The following NRXN3 variants were observed in gnomAD, a reference collection of about 807,000 sequenced individuals.
The protein encoded by NRXN3 is neurexin 3, also known as neurexin III.
Under a neutral mutation model 137.6 loss-of-function variants are expected in NRXN3, and 32 were observed. That is an observed-to-expected ratio of 0.23 (90% CI 0.18 to 0.31). The LOEUF (loss-of-function observed/expected upper bound fraction) is 0.31. Ranked by LOEUF, NRXN3 falls within the 10% of genes least tolerant of loss-of-function variation. NRXN3 has a pLI of 1.00. For missense variants in NRXN3, 1,574 were observed against 2,062.5 expected (o/e 0.76, Z 4.59); for synonymous variants, 798 against 784.5 (o/e 1.02, Z -0.29).
intron 16 of NRXN3, among the ~76,000 whole-genome samples, chr14:79,629,774 C>A (rs938469689): frequency 6.6e-6 from 1 of 151,522 alleles, no homozygotes; most frequent in Non-Finnish European, 1.5e-5. Context: ...TTCAAATGCA[C>A]GGTGATAAAG....
chr14:79,164,325 C>A (rs536068036), intron 15 of NRXN3, among the ~76,000 whole-genome samples: 14 of 152,008 alleles, frequency 9.2e-5, no homozygotes, highest in South Asian at 2.1e-4. Context: ...AGCTCTCAAG[C>A]AAAACATGGT....
chr14:79,517,098 C>CA (rs1555499634), intron 16 of NRXN3, among the ~76,000 whole-genome samples: 30 of 148,944 alleles, frequency 2.0e-4, no homozygotes, highest in South Asian at 1.7e-3. Flanking sequence ...TACAGCCCCC[C>CA]CCCCCTCAAC....
Position 79,808,458 on chromosome 14 carries a change from A to G in NRXN3, c.4093+3268A>G, listed in dbSNP as rs2099218922. Among the ~76,000 whole-genome samples, 3 of 151,988 alleles carry G rather than the reference A, an allele frequency of 2.0e-5. 1 individual carries two copies. In the South Asian group the frequency reaches 6.2e-4, roughly 31 times the overall value. On this transcript the variant is annotated intron_variant, in intron 20 of 20. Transcript: ENST00000335750. The stretch of plus-strand genomic sequence containing the variant: ...CATAAATTGCCAATCTTGCAATTCT[A>G]CATTACCACTAAGATTAAAATTCTG...
chr14:79,103,492 G>T (rs2051750662), intron 15 of NRXN3, among the ~76,000 whole-genome samples: 1 of 152,090 alleles, frequency 6.6e-6, no homozygotes, highest in Admixed American at 6.6e-5. Context: ...TAAGTTTTAA[G>T]CGCCTGGTAG....
At position 79,747,065 on chromosome 14, in the gene NRXN3, T is replaced by C. The variant is rs150958885; in HGVS notation, c.4014+49128T>C. Among the ~76,000 whole-genome samples the C allele has an allele frequency of 6.3e-4, 96 of 152,250 alleles. 1 individual carries two copies. The highest frequency in any genetic ancestry group is 1.7e-3 in the African/African-American group (70 of 41,566). ...TTGGCTCTCAGCAGTTGATGCCAAG[T>C]TCTGCTAGGGAAGAAATGAGACTTC... On this transcript the variant is annotated intron_variant, in intron 19 of 20. Transcript: ENST00000335750.
intron 20 of NRXN3, among the ~76,000 whole-genome samples, chr14:79,844,130 A>C (rs1392737369): frequency 6.6e-6 from 1 of 151,978 alleles, no homozygotes; most frequent in African/African-American, 2.4e-5. Flanking sequence ...ATATACCACT[A>C]TTAAAGTTTT....
intron 20 of NRXN3, among the ~76,000 whole-genome samples, chr14:79,852,277 ACAC>A (rs1568455935): frequency 2.8e-5 from 4 of 145,114 alleles, no homozygotes; most frequent in Non-Finnish European, 6.1e-5. Flanking sequence ...ACACACACAC[ACAC>A]CTCTCACATG....
chr14:79,003,740 T>C (rs1457258733), intron 15 of NRXN3, among the ~76,000 whole-genome samples: 3 of 152,142 alleles, frequency 2.0e-5, no homozygotes, highest in African/African-American at 7.2e-5. Flanking sequence ...AGAAGCCACA[T>C]CCCAGGTCTC....
intron 10 of NRXN3, among the ~76,000 whole-genome samples, chr14:78,898,918 A>G (rs1039538658): frequency 3.9e-5 from 6 of 151,978 alleles, no homozygotes. Context: ...TAAAAATTAG[A>G]ATAGGTTCAT....
At chr14:79,543,183 A>C (rs1231889969) in intron 16 of NRXN3, among the ~76,000 whole-genome samples, 1 of 152,204 alleles carries the variant, frequency 6.6e-6, no homozygotes, top group Non-Finnish European at 1.5e-5. Flanking sequence ...GTCATCTTCC[A>C]AGGCATCACC....
chr14:78,585,183 C>T (rs778418189), intron 4 of NRXN3, among the ~76,000 whole-genome samples: 20 of 151,544 alleles, frequency 1.3e-4, no homozygotes, highest in Non-Finnish European at 2.2e-4. Context: ...GGAAAGGCCT[C>T]AATGTTGAAG....
intron 2 of NRXN3, among the ~76,000 whole-genome samples, chr14:78,266,622 A>G (rs2071777210): frequency 1.3e-5 from 2 of 152,202 alleles, no homozygotes; most frequent in South Asian, 4.1e-4. Context: ...TTGGAAGCAG[A>G]ACGTCTCCTT....
intron 20 of NRXN3, among the ~76,000 whole-genome samples, chr14:79,851,719 A>G (rs1237789476): frequency 6.6e-6 from 1 of 152,138 alleles, no homozygotes; most frequent in Non-Finnish European, 1.5e-5. Context: ...AATACTGAAT[A>G]TAACTCTTGT....
At chr14:79,018,021 A>G (rs965471128) in intron 15 of NRXN3, among the ~76,000 whole-genome samples, 2 of 151,968 alleles carry the variant, frequency 1.3e-5, no homozygotes, top group Non-Finnish European at 2.9e-5. Context: ...GCACTTTGGG[A>G]GGCTGAGGCG....
chr14:78,538,029 G>A (rs956339540), intron 4 of NRXN3, among the ~76,000 whole-genome samples: 13 of 152,192 alleles, frequency 8.5e-5, no homozygotes, highest in Non-Finnish European at 1.5e-4. Flanking sequence ...ACTATAGTTT[G>A]AAGTCAGGTA....
intron 15 of NRXN3, among the ~76,000 whole-genome samples, chr14:79,208,704 C>T (rs1447378349): frequency 2.0e-5 from 3 of 152,038 alleles, no homozygotes; most frequent in African/African-American, 7.2e-5. Flanking sequence ...TTGGATATAA[C>T]AGTTATTTTT....
chr14:79,737,879 A>G lies in NRXN3; in HGVS notation c.4014+39942A>G, dbSNP rs187961638. Among the ~76,000 whole-genome samples the G allele has an allele frequency of 8.5e-5, 13 of 152,220 alleles. No homozygotes were observed. The East Asian group carries it at 1.9e-3, about 23-fold the overall frequency. ...AGCCCATTGTGCAGTGTTCTTACAA[A>G]AGTATTCTAACAATCCAAAATCAAG... On this transcript the variant is annotated intron_variant, in intron 19 of 20. Coordinates refer to ENST00000335750, the MANE Select transcript of NRXN3 (RefSeq NM_001330195.2).
chr14:78,541,680 TGGA>T (rs1012661563), intron 4 of NRXN3, among the ~76,000 whole-genome samples: 1 of 152,214 alleles, frequency 6.6e-6, no homozygotes, highest in African/African-American at 2.4e-5. Flanking sequence ...TGTGATCCTT[TGGA>T]GGAGAAGAGG....
At chr14:79,742,022 A>G (rs1438891263) in intron 19 of NRXN3, among the ~76,000 whole-genome samples, 1 of 152,200 alleles carries the variant, frequency 6.6e-6, no homozygotes, top group African/African-American at 2.4e-5. Context: ...TTTGTCAGCC[A>G]CTATTTACCT....
Sources: allele counts gnomAD v4.1 joint callset (sites outside exome capture counted in the v4.1 genomes callset), GRCh38; gene constraint gnomAD v4.1.1; transcripts MANE v1.5; gene names NCBI Gene and HGNC (gene_info 2026-07-23, HGNC 2026-07-21).